DCBLD2: variants seen among roughly 807,000 people sequenced by gnomAD.
The protein encoded by DCBLD2 is discoidin, CUB and LCCL domain-containing protein 2.
Under a neutral mutation model 86.8 loss-of-function variants are expected in DCBLD2, and 54 were observed. The observed-to-expected ratio is 0.62, with a 90% CI of 0.50 to 0.78. The LOEUF is 0.78. DCBLD2 is among the 30% of genes least tolerant of loss of function. The pLI, the probability that DCBLD2 is intolerant of heterozygous loss-of-function variation, is 0.00. For synonymous variants in DCBLD2, 354 were observed against 341.3 expected, an observed-to-expected ratio of 1.04 and a Z score of -0.41; for missense variants, 908 against 954.2, an observed-to-expected ratio of 0.95 and a Z score of 0.64.
intron 3 of DCBLD2, among the ~76,000 whole-genome samples, chr3:98,845,229 G>A (rs909670751): frequency 6.6e-6 from 1 of 151,990 alleles, no homozygotes; most frequent in African/African-American, 2.4e-5. Flanking sequence ...GCAGAGGGGG[G>A]AAAAAGCTTT....
In DCBLD2 at chr3:98,819,472, T is replaced by G. The variant is rs1399169011; in HGVS notation, c.872-55A>C. 1.9e-6 allele frequency: 3 copies of G among 1,573,052 alleles called. No individual in the cohort carries two copies. The South Asian group carries it at 3.4e-5, about 18-fold the overall frequency. On this transcript the variant is annotated intron_variant, in intron 7 of 15. Transcript: ENST00000326840. ...TCCAGGTATAATTTCAAAATGCATG[T>G]AGACCTGCTCACTGAAAACTTTCTA... is the stretch of plus-strand genomic sequence containing the variant.
intron 3 of DCBLD2, 64 bp from the exon 4 acceptor site, chr3:98,825,430 A>G: frequency 1.6e-6 from 2 of 1,250,370 alleles, no homozygotes; most frequent in Non-Finnish European, 2.2e-6. Context: ...TGAAACTCCA[A>G]GTGTCTCAGA....
Position 98,796,532 on chromosome 3 carries a change from C to T in DCBLD2, c.*2840G>A, listed in dbSNP as rs936110379. 1 of 152,610 alleles carries T rather than the reference C, an allele frequency of 6.6e-6. No homozygotes were observed. Among genetic ancestry groups the T allele is most frequent in the Admixed American group, 6.5e-5 (1 of 15,278 alleles). 9.5% of individuals were successfully genotyped at this position (152,610 alleles called of 1,614,324 possible). ...ACATTCATATTTAGATAAGCTCGGA[C>T]TCTGCTCCCCTCTTCTGGAGATGGG... On this transcript the variant is annotated 3_prime_UTR_variant, in exon 16 of 16. Transcript: ENST00000326840.
At chr3:98,866,598 C>T (rs896217599) in intron 2 of DCBLD2, among the ~76,000 whole-genome samples, 17 of 152,116 alleles carry the variant, frequency 1.1e-4, no homozygotes, top group Non-Finnish European at 2.1e-4. Flanking sequence ...TGTAGATTCT[C>T]AATATTAGCC....
intron 2 of DCBLD2, among the ~76,000 whole-genome samples, chr3:98,876,415 A>T (rs1472346894): frequency 7.4e-5 from 1 of 13,520 alleles, no homozygotes; most frequent in African/African-American, 1.5e-4. Flanking sequence ...TAAAAAGTAA[A>T]AAAAAAAAAA....
chr3:98,863,494 G>A (rs1308368737), intron 2 of DCBLD2, among the ~76,000 whole-genome samples: 1 of 152,152 alleles, frequency 6.6e-6, no homozygotes, highest in African/African-American at 2.4e-5. Flanking sequence ...AAAACAGCAT[G>A]GTACTGGGAC....
Position 98,799,364 on chromosome 3 carries a change from C to A in DCBLD2, c.*8G>T, listed in dbSNP as rs1406238725. 2.5e-6 allele frequency: 4 copies of A among 1,591,516 alleles called. No individual in the cohort carries two copies. In the African/African-American group the frequency reaches 5.4e-5, roughly 22 times the overall value. Reference sequence around the variant, plus strand: ...TAAAACGATGCTTTGTAAAAAGCAGCATCATCTTCAAAGGATTTCTTTAAA... The same window carrying A: ...TAAAACGATGCTTTGTAAAAAGCAGAATCATCTTCAAAGGATTTCTTTAAA... On this transcript the variant is annotated 3_prime_UTR_variant, in exon 16 of 16. Coordinates refer to ENST00000326840, the MANE Select transcript of DCBLD2 (RefSeq NM_080927.4).
intron 1 of DCBLD2, among the ~76,000 whole-genome samples, chr3:98,897,638 C>T (rs1576210336): frequency 6.6e-6 from 1 of 152,136 alleles, no homozygotes; most frequent in Admixed American, 6.5e-5. Context: ...CATATTGGTT[C>T]CAAATATGTT....
intron 3 of DCBLD2, among the ~76,000 whole-genome samples, chr3:98,836,100 T>C (rs939283059): frequency 1.4e-5 from 2 of 138,418 alleles, no homozygotes; most frequent in African/African-American, 5.3e-5. Flanking sequence ...CCTTGCAATA[T>C]TATTATTTTA....
chr3:98,866,798 T>A lies in DCBLD2; in HGVS notation c.433+14742A>T, dbSNP rs199506818. Among the ~76,000 whole-genome samples, 15 of 152,386 alleles carry A rather than the reference T, an allele frequency of 9.8e-5. No homozygotes were observed. The East Asian group carries it at 2.7e-3, about 27-fold the overall frequency. The stretch of plus-strand genomic sequence containing the variant: ...TCCTTGCCCATGCCTATGTCCTGAA[T>A]GGTACTGCCTAGGTTTTCTTCTAGG... On this transcript the variant is annotated intron_variant, in intron 2 of 15. Coordinates refer to ENST00000326840, the MANE Select transcript of DCBLD2 (RefSeq NM_080927.4).
At chr3:98,838,102 C>T (rs1942514091) in intron 3 of DCBLD2, among the ~76,000 whole-genome samples, 1 of 142,368 alleles carries the variant, frequency 7.0e-6, no homozygotes, top group Non-Finnish European at 1.6e-5. Flanking sequence ...GGGCTGAACC[C>T]CCCACCTCCC....
At position 98,901,143 on chromosome 3, in the gene DCBLD2, C is replaced by G. The variant is rs774619235; in HGVS notation, c.184G>C (p.Glu62Gln). ...TCACCTTGCTGGGCTCCAGCGTCCTCGAGCAGCAGGAGCAGGACAAGTAAG... is the reference window on the plus strand; with the variant it reads ...TCACCTTGCTGGGCTCCAGCGTCCTGGAGCAGCAGGAGCAGGACAAGTAAG... The part of the protein sequence containing the change: ...LLLLVLLLLL[E>Q]DAGAQQGDGC... The change falls in exon 1 of 16, where the codon GAG becomes CAG. Residue 62 changes from glutamate to glutamine, a missense_variant. Glu to Gln is a conservative substitution (Grantham distance 29). Transcript: ENST00000326840. The G allele has an allele frequency of 2.5e-5, 38 of 1,539,340 alleles. No homozygotes were observed. In the African/African-American group the frequency reaches 4.0e-4, roughly 16 times the overall value.
At chr3:98,899,365 C>A (rs35483904) in intron 1 of DCBLD2, among the ~76,000 whole-genome samples, 47,293 of 150,876 alleles carry the variant, frequency 0.31, 8,591 homozygotes, top group East Asian at 0.68. Flanking sequence ...GATTCCCCTG[C>A]CTCAGCCTCC....
At chr3:98,849,706 T>C in intron 2 of DCBLD2, 108 bp from the exon 3 acceptor site, 1 of 1,219,928 alleles carries the variant, frequency 8.2e-7, no homozygotes, top group Non-Finnish European at 1.1e-6. Flanking sequence ...GCTGTTAAAT[T>C]AGTATGGAAT....
In DCBLD2 at chr3:98,822,433, C is replaced by A. The variant is rs1203326110; in HGVS notation, c.697-72G>T. 2.6e-6 allele frequency: 4 copies of A among 1,515,400 alleles called. No homozygotes were observed. In the Admixed American group the frequency reaches 6.6e-5, roughly 25 times the overall value. The allele number at this position is 1,515,400 out of a possible 1,614,324, so 93.9% of individuals were successfully genotyped here. ...AATTCATAAACAAGACACTCTACTT[C>A]CTGAGAAATCAGTTAATCTAGGCAG... On this transcript the variant is annotated intron_variant, in intron 5 of 15. Coordinates refer to ENST00000326840, the MANE Select transcript of DCBLD2 (RefSeq NM_080927.4).
rs961776297 is a variant in DCBLD2, at chr3:98,797,785, C to T, written c.*1587G>A. The T allele has an allele frequency of 6.6e-6, 1 of 152,152 alleles. No homozygotes were observed. Among genetic ancestry groups the T allele is most frequent in the Non-Finnish European group, 1.5e-5 (1 of 68,022 alleles). The allele number at this position is 152,152 out of a possible 1,614,324, so 9.4% of individuals were successfully genotyped here. Reference sequence around the variant, plus strand: ...ATTCATGGAAACAAGAAAACAAATACTGTTCATCTTTATTCAAATTGAGTG... The same window carrying T: ...ATTCATGGAAACAAGAAAACAAATATTGTTCATCTTTATTCAAATTGAGTG... On this transcript the variant is annotated 3_prime_UTR_variant, in exon 16 of 16. Transcript: ENST00000326840.
intron 1 of DCBLD2, among the ~76,000 whole-genome samples, chr3:98,883,772 CACAAAA>C (rs1943514053): frequency 6.6e-6 from 1 of 152,098 alleles, no homozygotes; most frequent in Non-Finnish European, 1.5e-5. Context: ...ACAGCACTTA[CACAAAA>C]ACTATATTAA....
intron 2 of DCBLD2, among the ~76,000 whole-genome samples, chr3:98,878,248 T>C (rs940060239): frequency 5.9e-5 from 9 of 152,092 alleles, no homozygotes; most frequent in Non-Finnish European, 1.3e-4. Context: ...TCAAAGTTAA[T>C]AGCACCAGAA....
At chr3:98,803,278 G>T (rs937735081) in intron 13 of DCBLD2, among the ~76,000 whole-genome samples, 2 of 152,100 alleles carry the variant, frequency 1.3e-5, no homozygotes, top group African/African-American at 2.4e-5. Flanking sequence ...CTTGTAAGTT[G>T]GATTCCTAGG....
Sources: allele counts gnomAD v4.1 joint callset (sites outside exome capture counted in the v4.1 genomes callset), GRCh38; gene constraint gnomAD v4.1.1; transcripts MANE v1.5; gene names NCBI Gene and HGNC (gene_info 2026-07-23, HGNC 2026-07-21).